PRKCQ: variants seen among roughly 807,000 people sequenced by gnomAD.
PRKCQ encodes protein kinase C theta.
Under a neutral mutation model 91.2 loss-of-function variants are expected in PRKCQ, and 41 were observed. The observed-to-expected ratio is 0.45, with a 90% CI of 0.35 to 0.58. The LOEUF (loss-of-function observed/expected upper bound fraction) is 0.58. Among genes scored for constraint, PRKCQ ranks in the 20% least tolerant of loss-of-function variants. The pLI, the probability that PRKCQ is intolerant of heterozygous loss-of-function variation, is 0.00. For missense variants in PRKCQ, 673 were observed against 896.5 expected (o/e 0.75, Z 3.18); for synonymous variants, 307 against 316.9 (o/e 0.97, Z 0.33).
At chr10:6,533,016 G>A (rs1204577238) in intron 1 of PRKCQ, among the ~76,000 whole-genome samples, 1 of 152,002 alleles carries the variant, frequency 6.6e-6, no homozygotes, top group Non-Finnish European at 1.5e-5. Context: ...TTAAAAAATA[G>A]GTTTTATTTT....
chr10:6,404,697 CCTT>C, the PRKCQ span, among the ~76,000 whole-genome samples: 1 of 135,466 alleles, frequency 7.4e-6, no homozygotes, highest in Admixed American at 7.4e-5. Flanking sequence ...TCCTTTCTTT[CCTT>C]TTTTCTTTCT....
chr10:6,440,345 T>C (rs1303406315), intron 16 of PRKCQ, among the ~76,000 whole-genome samples: 1 of 152,218 alleles, frequency 6.6e-6, no homozygotes, highest in Non-Finnish European at 1.5e-5. Flanking sequence ...GGCCAGGGAC[T>C]GGACTGAATG....
chr10:6,395,087 GA>G, the PRKCQ span, among the ~76,000 whole-genome samples: 27 of 130,888 alleles, frequency 2.1e-4, 1 homozygote, highest in Non-Finnish European at 6.3e-5. Context: ...TTTTGAGACG[GA>G]GTCTCGCTCT....
chr10:6,516,936 TCTTA>T (rs1376968127), intron 1 of PRKCQ, among the ~76,000 whole-genome samples: 1 of 152,160 alleles, frequency 6.6e-6, no homozygotes, highest in African/African-American at 2.4e-5. Context: ...GACAATGATT[TCTTA>T]CTTAATAAGC....
At chr10:6,470,591 C>T (rs947438445) in intron 12 of PRKCQ, among the ~76,000 whole-genome samples, 1 of 152,086 alleles carries the variant, frequency 6.6e-6, no homozygotes, top group Non-Finnish European at 1.5e-5. Flanking sequence ...AGAAGAGGTT[C>T]CTGAAGTGAC....
chr10:6,545,353 T>C (rs552408447), intron 1 of PRKCQ, among the ~76,000 whole-genome samples: 1 of 152,354 alleles, frequency 6.6e-6, no homozygotes, highest in East Asian at 1.9e-4. Flanking sequence ...TGATCCGATT[T>C]TACAGAAGAG....
At chr10:6,405,275 G>T in the PRKCQ span, among the ~76,000 whole-genome samples, 1 of 152,162 alleles carries the variant, frequency 6.6e-6, no homozygotes, top group East Asian at 1.9e-4. Flanking sequence ...GAGCCACCGC[G>T]CCCGGTCAGA....
chr10:6,422,144 T>A (rs1833021813), downstream of PRKCQ, among the ~76,000 whole-genome samples: 1 of 152,194 alleles, frequency 6.6e-6, no homozygotes, highest in African/African-American at 2.4e-5. Context: ...GGTCTCTAAA[T>A]GATTTATGTT....
At chr10:6,440,762 G>C (rs1313017009) in intron 16 of PRKCQ, among the ~76,000 whole-genome samples, 4 of 152,190 alleles carry the variant, frequency 2.6e-5, no homozygotes. Flanking sequence ...GCCGAGGCGG[G>C]CAGATCCCTT....
In PRKCQ at chr10:6,483,552, A is replaced by G. The variant is rs764522089; in HGVS notation, c.1067T>C (p.Met356Thr). Residue 356 changes from methionine to threonine, a missense_variant, in exon 11 of 18, where the codon ATG becomes ACG. Physicochemically the swap from Met to Thr is moderately conservative, Grantham distance 81. Transcript: ENST00000263125. ...WESPLDEVDK[M>T]CHLPEPELNK... is the part of the protein sequence containing the mutation. ...CAGTTCAGGTTCTGGAAGATGGCAC[A>G]TTTTATCCACCTCATCCAACGGAGA... The G allele has an allele frequency of 3.1e-5, 50 of 1,614,116 alleles. 1 individual carries two copies. The highest frequency in any genetic ancestry group is 3.9e-5 in the Non-Finnish European group (46 of 1,180,034).
chr10:6,510,243 C>T (rs766455150), intron 3 of PRKCQ, among the ~76,000 whole-genome samples: 5 of 151,952 alleles, frequency 3.3e-5, no homozygotes, highest in East Asian at 1.9e-4. Flanking sequence ...ATTTTTTTAA[C>T]GCTTTGATTA....
intron 1 of PRKCQ, among the ~76,000 whole-genome samples, chr10:6,575,592 T>C (rs1206155455): frequency 6.6e-6 from 1 of 152,074 alleles, no homozygotes; most frequent in Non-Finnish European, 1.5e-5. Context: ...AATTCTACAC[T>C]AGAAAAAGGT....
intron 11 of PRKCQ, among the ~76,000 whole-genome samples, chr10:6,482,690 T>C (rs549648417): frequency 4.6e-5 from 7 of 152,256 alleles, no homozygotes; most frequent in Admixed American, 3.9e-4. Context: ...CGAGACTGGA[T>C]AATTTATAAA....
intron 12 of PRKCQ, among the ~76,000 whole-genome samples, chr10:6,477,825 A>T (rs1836353899): frequency 6.6e-6 from 1 of 152,160 alleles, no homozygotes; most frequent in Non-Finnish European, 1.5e-5. Context: ...CTGAGATCAC[A>T]CCATTGCACT....
At chr10:6,412,951 T>C in the PRKCQ span, among the ~76,000 whole-genome samples, 1 of 102,722 alleles carries the variant, frequency 9.7e-6, no homozygotes, top group South Asian at 2.7e-4. Context: ...ACAATTTTAT[T>C]TTTTATTTTT....
chr10:6,547,535 T>C (rs1840008095), intron 1 of PRKCQ, among the ~76,000 whole-genome samples: 2 of 151,702 alleles, frequency 1.3e-5, no homozygotes, highest in Admixed American at 1.3e-4. Context: ...AAAACAGAGA[T>C]ATAGATCAAT....
At chr10:6,481,951 G>T (rs1836621015) in intron 11 of PRKCQ, among the ~76,000 whole-genome samples, 2 of 150,596 alleles carry the variant, frequency 1.3e-5, no homozygotes, top group East Asian at 3.9e-4. Context: ...CCGGTAGTTG[G>T]TTATAATTTC....
At chr10:6,513,289 C>A (rs538590296) in intron 2 of PRKCQ, among the ~76,000 whole-genome samples, 1 of 152,142 alleles carries the variant, frequency 6.6e-6, no homozygotes, top group African/African-American at 2.4e-5. Flanking sequence ...AGAGTGATTT[C>A]TTTTCAGAAC....
chr10:6,413,588 GCACA>G, the PRKCQ span, among the ~76,000 whole-genome samples: 436 of 23,780 alleles, frequency 0.018, 104 homozygotes, highest in African/African-American at 0.037. Flanking sequence ...TGCCACTTGT[GCACA>G]CACACACACA....
Sources: gnomAD v4.1 joint callset for allele counts (sites outside exome capture counted in the v4.1 genomes callset) on GRCh38, gnomAD v4.1.1 for gene constraint, MANE v1.5 for transcripts, NCBI Gene and HGNC (gene_info 2026-07-23, HGNC 2026-07-21) for gene names.